VDAC2: variants seen among roughly 807,000 people sequenced by gnomAD.
VDAC2 encodes the protein non-selective voltage-gated ion channel VDAC2.
In VDAC2, 6 loss-of-function variants were observed where a neutral mutation model predicts 36.6. The ratio of observed to expected loss-of-function variants is 0.16; its 90% CI spans 0.09 to 0.32. The LOEUF (loss-of-function observed/expected upper bound fraction) is 0.32, where lower values mean the gene tolerates loss of function less well. Ranked by LOEUF, VDAC2 falls within the 10% of genes least tolerant of loss-of-function variation. The pLI, the probability that VDAC2 is intolerant of heterozygous loss-of-function variation, is 1.00. For synonymous variants in VDAC2, 109 were observed against 123.8 expected, an observed-to-expected ratio of 0.88 and a Z score of 0.79; for missense variants, 247 against 346.0, an observed-to-expected ratio of 0.71 and a Z score of 2.27.
At chr10:75,226,731 G>A (rs983678484) in intron 8 of VDAC2, among the ~76,000 whole-genome samples, 2 of 151,882 alleles carry the variant, frequency 1.3e-5, no homozygotes, top group East Asian at 3.9e-4. Context: ...CAAAGTGCCG[G>A]GGTAACAGGA....
At chr10:75,223,541 C>T (rs1336686183) in intron 8 of VDAC2, among the ~76,000 whole-genome samples, 1 of 152,158 alleles carries the variant, frequency 6.6e-6, no homozygotes, top group Non-Finnish European at 1.5e-5. Flanking sequence ...AGCTGCCACT[C>T]CAATTCAGCA....
At chr10:75,211,086 CT>C in intron 1 of VDAC2, 47 bp from the exon 2 acceptor site, 2 of 1,551,440 alleles carry the variant, frequency 1.3e-6, no homozygotes, top group African/African-American at 1.4e-5. Context: ...CGGGATCTCC[CT>C]TTGGCCCTTT....
chr10:75,215,977 A>G (rs1203814520), intron 4 of VDAC2, among the ~76,000 whole-genome samples: 1 of 152,218 alleles, frequency 6.6e-6, no homozygotes, highest in African/African-American at 2.4e-5. Context: ...AAGTGTTGGG[A>G]TTACAGGCGT....
In VDAC2 at chr10:75,225,875, C is replaced by T. The variant is rs1052949797; in HGVS notation, c.735+3473C>T. On this transcript the variant is annotated intron_variant, in intron 8 of 9. Coordinates refer to ENST00000332211, the MANE Select transcript of VDAC2 (RefSeq NM_001391963.1). The stretch of plus-strand genomic sequence containing the variant: ...TGGCGTGATCTCGGCTCACTGCAAC[C>T]TCCACCTCCTGGGTTCAAGCCATTC... 1.4e-4 allele frequency among the ~76,000 whole-genome samples: 22 copies of T among 152,128 alleles called. 1 individual carries two copies. The highest frequency in any genetic ancestry group is 6.5e-5 in the Admixed American group (1 of 15,278).
chr10:75,215,993 A>G (rs999005918), intron 4 of VDAC2, among the ~76,000 whole-genome samples: 1 of 152,246 alleles, frequency 6.6e-6, no homozygotes, highest in African/African-American at 2.4e-5. Context: ...GGCGTGAGCC[A>G]CAGCGCTAGC....
rs982856003 is a variant in VDAC2, at chr10:75,211,392, G to C, written c.31+203G>C. ...AATGGGGAACAAGGCCCGGGGAGTTGGTCTGTGGCCGCATGGACTTTTCAG... is the reference window on the plus strand; with the variant it reads ...AATGGGGAACAAGGCCCGGGGAGTTCGTCTGTGGCCGCATGGACTTTTCAG... On this transcript the variant is annotated intron_variant, in intron 2 of 9. Transcript: ENST00000332211. 2.7e-5 allele frequency: 39 copies of C among 1,421,398 alleles called. No homozygotes were observed. The Admixed American group carries it at 3.5e-4, about 13-fold the overall frequency. 88.0% of individuals were successfully genotyped at this position (1,421,398 alleles called of 1,614,324 possible). A position where few individuals can be genotyped will look rare whatever the true frequency, so the allele number is the denominator to read the frequency against.
chr10:75,228,701 A>G (rs184045715), intron 8 of VDAC2, among the ~76,000 whole-genome samples: 1 of 152,240 alleles, frequency 6.6e-6, no homozygotes, highest in Admixed American at 6.5e-5. Context: ...ACACATTATA[A>G]GAGTATAGAC....
intron 4 of VDAC2, among the ~76,000 whole-genome samples, chr10:75,215,665 T>G (rs1197538778): frequency 6.6e-6 from 1 of 151,404 alleles, no homozygotes. Context: ...ATAGACATTT[T>G]TGATGTAGTG....
At chr10:75,213,658 C>A (rs1049211508) in intron 3 of VDAC2, among the ~76,000 whole-genome samples, 2 of 152,098 alleles carry the variant, frequency 1.3e-5, no homozygotes, top group African/African-American at 4.8e-5. Context: ...GCAGGAGAAT[C>A]GCTTGAACCC....
At chr10:75,222,815 A>G (rs565741799) in intron 8 of VDAC2, among the ~76,000 whole-genome samples, 16 of 151,948 alleles carry the variant, frequency 1.1e-4, no homozygotes, top group Admixed American at 5.9e-4. Context: ...TCAGCCTCCT[A>G]CTATTCCCAA....
At chr10:75,220,203 T>TAA (rs1841769936) in intron 6 of VDAC2, among the ~76,000 whole-genome samples, 1 of 152,066 alleles carries the variant, frequency 6.6e-6, no homozygotes, top group Non-Finnish European at 1.5e-5. Flanking sequence ...CCTCCTGGGT[T>TAA]GAAGCGATTC....
chr10:75,229,794 A>G (rs1277727973), intron 9 of VDAC2, 93 bp downstream of exon 9: 4 of 965,398 alleles, frequency 4.1e-6, no homozygotes, highest in Non-Finnish European at 6.2e-6. Context: ...TCAAGCACAC[A>G]GAAGAGTTGA....
chr10:75,210,451 G>A (rs1371876222), upstream of VDAC2, among the ~76,000 whole-genome samples: 9 of 152,206 alleles, frequency 5.9e-5, no homozygotes, highest in Admixed American at 4.6e-4. Context: ...ACCCTGGTGC[G>A]CAGCCGCGCC....
intron 7 of VDAC2, among the ~76,000 whole-genome samples, chr10:75,221,741 T>G (rs1841820256): frequency 6.6e-6 from 1 of 152,242 alleles, no homozygotes; most frequent in South Asian, 2.1e-4. Context: ...TCCAAAGTGT[T>G]GGGATTATAG....
intron 8 of VDAC2, among the ~76,000 whole-genome samples, chr10:75,223,204 C>T (rs1841866147): frequency 1.3e-5 from 2 of 152,034 alleles, no homozygotes; most frequent in African/African-American, 4.8e-5. Flanking sequence ...TCTCAAACTC[C>T]TGACCCCAAG....
chr10:75,211,410 C>T (rs565596504), intron 2 of VDAC2: 7 of 1,452,098 alleles, frequency 4.8e-6, no homozygotes, highest in East Asian at 5.0e-5. Context: ...GCCGCATGGA[C>T]TTTTCAGCCT....
chr10:75,226,632 T>C (rs1326523871), intron 8 of VDAC2, among the ~76,000 whole-genome samples: 11 of 151,846 alleles, frequency 7.2e-5, no homozygotes, highest in Non-Finnish European at 1.5e-4. Flanking sequence ...CCGACTAATT[T>C]TTGTATTTTT....
Position 75,222,363 on chromosome 10 carries a change from T to C in VDAC2, c.696T>C (p.Ile232=), listed in dbSNP as rs949739798. Residue 232 remains isoleucine (I), a synonymous_variant, in exon 8 of 10, where the codon ATT becomes ATC. Transcript: ENST00000332211. ...GTACCAACTGCACTCGTTTTGGCAT[T>C]GCAGCTAAATATCAGTTGGATCCCA... ...TSGTNCTRFG[I]AAKYQLDPTA... 2 of 1,614,214 alleles carry C rather than the reference T, an allele frequency of 1.2e-6. No homozygotes were observed. Among genetic ancestry groups the C allele is most frequent in the Middle Eastern group, 1.6e-4 (1 of 6,062 alleles).
At chr10:75,224,747 C>A (rs377467283) in intron 8 of VDAC2, among the ~76,000 whole-genome samples, 1 of 152,182 alleles carries the variant, frequency 6.6e-6, no homozygotes, top group African/African-American at 2.4e-5. Context: ...CCTTGGCCAC[C>A]AGCCTCAAAG....
Sources: allele counts gnomAD v4.1 joint callset (sites outside exome capture counted in the v4.1 genomes callset), GRCh38; gene constraint gnomAD v4.1.1; transcripts MANE v1.5; gene names NCBI Gene and HGNC (gene_info 2026-07-23, HGNC 2026-07-21).